The following ZNF670 variants were observed in gnomAD, a reference collection of about 807,000 sequenced individuals.
The protein encoded by ZNF670 is zinc finger protein 670.
In ZNF670, 7 loss-of-function variants were observed where a neutral mutation model predicts 10.9. The observed-to-expected ratio is 0.64, with a 90% CI of 0.36 to 1.20. The LOEUF (loss-of-function observed/expected upper bound fraction) is 1.20, where lower values mean the gene tolerates loss of function less well. ZNF670 is among the 50% of genes most tolerant of loss of function. The probability of loss-of-function intolerance (pLI) is 0.02; values close to 1 mark genes in which losing one functional copy is unlikely to be tolerated. For missense variants in ZNF670, 446 were observed against 458.6 expected (o/e 0.97, Z 0.25); for synonymous variants, 136 against 152.7 (o/e 0.89, Z 0.81).
intron 1 of ZNF670, among the ~76,000 whole-genome samples, chr1:247,052,399 G>A (rs1670617722): frequency 6.6e-6 from 1 of 152,096 alleles, no homozygotes; most frequent in Admixed American, 6.6e-5. Flanking sequence ...TGGACTCTGG[G>A]CTGGTACTGG....
chr1:247,043,698 C>A, intron 1 of ZNF670: 2 of 473,552 alleles, frequency 4.2e-6, no homozygotes, highest in South Asian at 3.3e-5. Context: ...GTATCAATGT[C>A]AACAAAGAAA....
chr1:247,049,780 ACAGT>A (rs1237181048), intron 1 of ZNF670, among the ~76,000 whole-genome samples: 1 of 152,202 alleles, frequency 6.6e-6, no homozygotes, highest in South Asian at 2.1e-4. Context: ...TGTTGACCCA[ACAGT>A]CAGTCATTCA....
intron 1 of ZNF670, among the ~76,000 whole-genome samples, chr1:247,064,914 C>A (rs1227160882): frequency 1.3e-5 from 2 of 151,704 alleles, no homozygotes; most frequent in African/African-American, 4.9e-5. Context: ...AAATGATCCT[C>A]CTGCCTCCCT....
intron 1 of ZNF670, among the ~76,000 whole-genome samples, chr1:247,067,825 G>A (rs189384576): frequency 0.02 from 2,235 of 109,058 alleles, 68 homozygotes; most frequent in African/African-American, 0.071. Flanking sequence ...CTGGGCGACA[G>A]AGCGAGACTC....
chr1:247,038,219 C>T lies in ZNF670; in HGVS notation c.400G>A (p.Glu134Lys), dbSNP rs763123609. 1 of 1,614,190 alleles carries T rather than the reference C, an allele frequency of 6.2e-7. No homozygotes were observed. The highest frequency in any genetic ancestry group is 1.1e-5 in the South Asian group (1 of 91,078). The change falls in exon 4 of 4, where the codon GAG (glutamate) becomes AAG (lysine). Residue 134 changes from glutamate (E) to lysine (K), a missense_variant. Glu to Lys is a moderately conservative substitution (Grantham distance 56). Transcript: ENST00000366503. The stretch of plus-strand genomic sequence containing the variant: ...TGATATAACTTCTCTGGACATTCCT[C>T]ACACTCAAATAGTTTGTTTCCAATG... Reference protein sequence around the residue: ...SHIGNKLFECEECPEKLYHCK... With the variant: ...SHIGNKLFECKECPEKLYHCK...
chr1:247,045,247 A>T (rs1197343024), intron 1 of ZNF670, among the ~76,000 whole-genome samples: 1 of 152,184 alleles, frequency 6.6e-6, no homozygotes, highest in East Asian at 1.9e-4. Flanking sequence ...GTAATTTATG[A>T]GTTTTACATC....
At chr1:247,062,634 A>G (rs1670884030) in intron 1 of ZNF670, among the ~76,000 whole-genome samples, 1 of 152,224 alleles carries the variant, frequency 6.6e-6, no homozygotes, top group African/African-American at 2.4e-5. Context: ...TAAAATGCTC[A>G]GTGACTGCTC....
intron 1 of ZNF670, among the ~76,000 whole-genome samples, chr1:247,067,201 C>T (rs61259814): frequency 0.23 from 35,448 of 151,528 alleles, 4,614 homozygotes; most frequent in Middle Eastern, 0.35. Flanking sequence ...GTTGGGAAGC[C>T]AAGGTGGGTG....
chr1:247,041,790 G>A (rs1670317598), intron 1 of ZNF670, among the ~76,000 whole-genome samples: 1 of 152,186 alleles, frequency 6.6e-6, no homozygotes, highest in South Asian at 2.1e-4. Flanking sequence ...ACAGCCTCAG[G>A]CACTAGCATG....
At chr1:247,061,030 AT>A (rs1224991595) in intron 1 of ZNF670, among the ~76,000 whole-genome samples, 1 of 152,178 alleles carries the variant, frequency 6.6e-6, no homozygotes, top group Non-Finnish European at 1.5e-5. Flanking sequence ...ATTGCAAACA[AT>A]GCACAAATCT....
intron 1 of ZNF670, among the ~76,000 whole-genome samples, chr1:247,072,787 C>CAA (rs1384381709): frequency 7.1e-4 from 51 of 71,590 alleles, no homozygotes; most frequent in Non-Finnish European, 1.2e-3. Flanking sequence ...AACTCTGTCT[C>CAA]AAAAAAAAAA....
chr1:247,038,563 T>G, intron 3 of ZNF670, 136 bp from the exon 4 acceptor site: 2 of 865,956 alleles, frequency 2.3e-6, no homozygotes, highest in Non-Finnish European at 3.5e-6. Flanking sequence ...AAGATATGGG[T>G]CCCCCATAGC....
At chr1:247,053,002 C>A (rs977284679) in intron 1 of ZNF670, among the ~76,000 whole-genome samples, 1 of 152,048 alleles carries the variant, frequency 6.6e-6, no homozygotes, top group Non-Finnish European at 1.5e-5. Flanking sequence ...GTATTCAGGC[C>A]AATGGAGTTG....
intron 1 of ZNF670, among the ~76,000 whole-genome samples, chr1:247,054,208 T>C (rs1362526739): frequency 6.6e-6 from 1 of 152,210 alleles, no homozygotes; most frequent in Non-Finnish European, 1.5e-5. Context: ...TAAAGTGCTC[T>C]GCGGCCCTAA....
At chr1:247,052,580 C>T (rs12133296) in intron 1 of ZNF670, among the ~76,000 whole-genome samples, 87,319 of 151,856 alleles carry the variant, frequency 0.58, 27,719 homozygotes, top group African/African-American at 0.84. Context: ...ATGCTAATTA[C>T]GCTAGCAATG....
At chr1:247,078,242 A>C (rs1468389165) in intron 1 of ZNF670, among the ~76,000 whole-genome samples, 2 of 152,188 alleles carry the variant, frequency 1.3e-5, no homozygotes, top group Non-Finnish European at 2.9e-5. Flanking sequence ...AGGAGAAAGG[A>C]GGATTTGGAG....
intron 1 of ZNF670, among the ~76,000 whole-genome samples, chr1:247,049,060 T>A (rs1270671988): frequency 6.6e-6 from 1 of 152,110 alleles, no homozygotes; most frequent in Non-Finnish European, 1.5e-5. Flanking sequence ...ATCTTTTGTA[T>A]TTCTGTTGTA....
At chr1:247,067,183 C>T (rs1472792353) in intron 1 of ZNF670, among the ~76,000 whole-genome samples, 1 of 151,974 alleles carries the variant, frequency 6.6e-6, no homozygotes, top group African/African-American at 2.4e-5. Context: ...TGCCTGTAAT[C>T]CTAGCACGTT....
In ZNF670 at chr1:247,053,974, T is replaced by C. The variant is rs568736353; in HGVS notation, c.4-14437A>G. 2.6e-5 allele frequency among the ~76,000 whole-genome samples: 4 copies of C among 152,316 alleles called. No individual in the cohort carries two copies. In the East Asian group the frequency reaches 7.7e-4, roughly 29 times the overall value. On this transcript the variant is annotated intron_variant, in intron 1 of 3. Coordinates refer to ENST00000366503, the MANE Select transcript of ZNF670 (RefSeq NM_033213.5). ...GAGTCCTGAATTGCCAACACCACCC[T>C]TCCTCCATTACCTGGCAGCAGCCGC...
Sources: allele counts gnomAD v4.1 joint callset (sites outside exome capture counted in the v4.1 genomes callset), GRCh38; gene constraint gnomAD v4.1.1; transcripts MANE v1.5; gene names NCBI Gene and HGNC (gene_info 2026-07-23, HGNC 2026-07-21).